SUFU: variants seen among roughly 807,000 people sequenced by gnomAD.
SUFU encodes suppressor of fused homolog.
Under a neutral mutation model 58.9 loss-of-function variants are expected in SUFU, and 7 were observed. The ratio of observed to expected loss-of-function variants is 0.12; its 90% CI spans 0.07 to 0.22. SUFU has a LOEUF of 0.22. Ranked by LOEUF, SUFU falls within the 10% of genes least tolerant of loss-of-function variation. The pLI, the probability that SUFU is intolerant of heterozygous loss-of-function variation, is 1.00. For missense variants in SUFU, 451 were observed against 641.3 expected (o/e 0.70, Z 3.20); for synonymous variants, 232 against 254.8 (o/e 0.91, Z 0.85).
At position 102,588,199 on chromosome 10, in the gene SUFU, C is replaced by G. The variant is rs543737923; in HGVS notation, c.455-4383C>G. 7.2e-5 allele frequency among the ~76,000 whole-genome samples: 11 copies of G among 152,156 alleles called. No homozygotes were observed. In the South Asian group the frequency reaches 1.9e-3, roughly 26 times the overall value. On this transcript the variant is annotated intron_variant, in intron 3 of 11. Coordinates refer to ENST00000369902, the MANE Select transcript of SUFU (RefSeq NM_016169.4). ...ATCACGAGGTCAGGAGATCGAGACC[C>G]TGGCTAACATGGTGAAACCCCATCT... is the stretch of plus-strand genomic sequence containing the variant.
At chr10:102,574,923 G>A (rs1011107467) in intron 3 of SUFU, among the ~76,000 whole-genome samples, 7 of 152,078 alleles carry the variant, frequency 4.6e-5, no homozygotes, top group African/African-American at 1.4e-4. Context: ...CGGCATGGTG[G>A]CATGCACCTG....
At chr10:102,610,221 C>T (rs1337505716) in intron 8 of SUFU, among the ~76,000 whole-genome samples, 4 of 151,514 alleles carry the variant, frequency 2.6e-5, no homozygotes, top group Non-Finnish European at 4.4e-5. Context: ...GGTGAAACCC[C>T]GTCTCTACTA....
intron 2 of SUFU, among the ~76,000 whole-genome samples, chr10:102,520,972 C>T (rs921400754): frequency 3.3e-5 from 5 of 152,172 alleles, no homozygotes; most frequent in African/African-American, 1.2e-4. Context: ...GTTTTCAACT[C>T]ATCTGGGTAA....
chr10:102,620,856 G>C (rs1012909442), intron 10 of SUFU, among the ~76,000 whole-genome samples: 1 of 152,194 alleles, frequency 6.6e-6, no homozygotes, highest in Admixed American at 6.5e-5. Context: ...TTGATCTGAA[G>C]GGGGATAAGT....
At chr10:102,537,607 T>C (rs1168914941) in intron 2 of SUFU, among the ~76,000 whole-genome samples, 1 of 152,222 alleles carries the variant, frequency 6.6e-6, no homozygotes, top group African/African-American at 2.4e-5. Context: ...TTTCTGTCTC[T>C]ATGAATGTGA....
rs1416629342 is a variant in SUFU, at chr10:102,617,350, C to A, written c.1218C>A (p.Ile406=). The A allele has an allele frequency of 6.2e-7, 1 of 1,614,108 alleles. No individual in the cohort carries two copies. The highest frequency in any genetic ancestry group is 8.5e-7 in the Non-Finnish European group (1 of 1,180,054). Residue 406 remains isoleucine, a synonymous_variant, in exon 10 of 12, where the codon ATC becomes ATA. Coordinates refer to ENST00000369902, the MANE Select transcript of SUFU (RefSeq NM_016169.4). This position sits in a 1 kb window ranked among gnomAD's most constrained non-coding sequence, Gnocchi z 4.4. ...TYKSITGDMA[I]TFVSTGVEGA... ...AAAGTATCACAGGTGACATGGCCAT[C>A]ACGTTTGTCTCCACGGGAGTGGAAG...
chr10:102,534,274 A>G (rs1287948840), intron 2 of SUFU, among the ~76,000 whole-genome samples: 2 of 152,168 alleles, frequency 1.3e-5, no homozygotes, highest in Non-Finnish European at 2.9e-5. Flanking sequence ...TAAAAATACA[A>G]AAAATAAGCC....
chr10:102,629,918 TG>T lies in SUFU; in HGVS notation c.1366-145del. On this transcript the variant is annotated intron_variant, in intron 11 of 11. Transcript: ENST00000369902. The surrounding 1 kb of genome is among the most constrained non-coding windows in gnomAD (Gnocchi z 4.7). ...AGCCGTTTGAGCCCAGCCTGCCACC[TG>T]GGTCTAGCATTTGAGAATGAAGCCA... The T allele has an allele frequency of 1.3e-6, 1 of 795,444 alleles. No homozygotes were observed. The highest frequency in any genetic ancestry group is 1.7e-5 in the Admixed American group (1 of 58,082). The allele number at this position is 795,444 out of a possible 1,614,324, so 49.3% of individuals were successfully genotyped here. A position where few individuals can be genotyped will look rare whatever the true frequency, so the allele number is the denominator to read the frequency against.
intron 2 of SUFU, among the ~76,000 whole-genome samples, chr10:102,530,238 G>A (rs1205326782): frequency 6.6e-6 from 1 of 152,058 alleles, no homozygotes; most frequent in Non-Finnish European, 1.5e-5. Context: ...GGAGTAATAT[G>A]TTAATAATTT....
chr10:102,556,127 G>GGA (rs2062973377), intron 3 of SUFU, among the ~76,000 whole-genome samples: 1 of 152,178 alleles, frequency 6.6e-6, no homozygotes, highest in Non-Finnish European at 1.5e-5. Flanking sequence ...CAAGGCAGTG[G>GGA]GAGGCGAATG....
rs566263629 is a variant in SUFU at position 102,629,566 on chromosome 10, G to A, written c.1366-500G>A. On this transcript the variant is annotated intron_variant, in intron 11 of 11. Coordinates refer to ENST00000369902, the MANE Select transcript of SUFU (RefSeq NM_016169.4). This position sits in a 1 kb window ranked among gnomAD's most constrained non-coding sequence, Gnocchi z 4.7. ...CAAGTGTGGTTCTGACTTTGGGGCC[G>A]AACTGGGGCCTCCTTCCCTTTGGAG... 9.8e-5 allele frequency among the ~76,000 whole-genome samples: 15 copies of A among 152,298 alleles called. No homozygotes were observed. The highest frequency in any genetic ancestry group is 3.4e-4 in the African/African-American group (14 of 41,554).
At chr10:102,530,134 A>T (rs886287066) in intron 2 of SUFU, among the ~76,000 whole-genome samples, 13 of 152,104 alleles carry the variant, frequency 8.5e-5, no homozygotes. Context: ...AGCTAGAGAA[A>T]GGTGGAGCTG....
rs1287565218 is a variant in SUFU at position 102,552,548 on chromosome 10, TCC to T, written c.454+2443_454+2444del. On this transcript the variant is annotated intron_variant, in intron 3 of 11. Transcript: ENST00000369902. ...CATGGCAGTTTAAATGCATTGTTGA[TCC>T]TTGATTAGATCCTGAATTGAAAAAA... Among the ~76,000 whole-genome samples the T allele has an allele frequency of 5.3e-5, 8 of 152,262 alleles. No individual in the cohort carries two copies. The East Asian group carries it at 1.5e-3, about 29-fold the overall frequency.
chr10:102,516,125 C>CTTTTTTTTTTTTTTTTTTTTTTT (rs60544094), intron 2 of SUFU, among the ~76,000 whole-genome samples: 6 of 125,578 alleles, frequency 4.8e-5, no homozygotes, highest in Admixed American at 1.6e-4. Context: ...TCTTTCTTTT[C>CTTTTTTTTTTTTTTTTTTTTTTT]TTTTTTTTTT....
intron 2 of SUFU, among the ~76,000 whole-genome samples, chr10:102,533,701 C>T (rs1427525485): frequency 6.6e-6 from 1 of 152,200 alleles, no homozygotes. Flanking sequence ...GACAAATTCT[C>T]ACGTCACATC....
chr10:102,618,931 C>CGTGCGTGTGTGTGTGT (rs1554854954), intron 10 of SUFU: 1 of 535,024 alleles, frequency 1.9e-6, no homozygotes, highest in African/African-American at 2.5e-5. Flanking sequence ...CCTCAGGTAG[C>CGTGCGTGTGTGTGTGT]GTGTGTGTGT....
At chr10:102,518,575 C>T (rs1241158071) in intron 2 of SUFU, among the ~76,000 whole-genome samples, 2 of 131,274 alleles carry the variant, frequency 1.5e-5, no homozygotes, top group African/African-American at 2.8e-5. Context: ...GACACAGGGC[C>T]TGGCCCTCTC....
At chr10:102,527,646 T>C (rs1304255956) in intron 2 of SUFU, among the ~76,000 whole-genome samples, 1 of 152,162 alleles carries the variant, frequency 6.6e-6, no homozygotes, top group East Asian at 1.9e-4. Context: ...TGATTATCTC[T>C]TTGGGTGGCA....
At position 102,628,020 on chromosome 10, in the gene SUFU, C is replaced by T. The variant is rs901352084; in HGVS notation, c.1365+777C>T. Among the ~76,000 whole-genome samples, 6 of 152,226 alleles carry T rather than the reference C, an allele frequency of 3.9e-5. No homozygotes were observed. Among genetic ancestry groups the T allele is most frequent in the Non-Finnish European group, 8.8e-5 (6 of 68,034 alleles). ...AGTGAACTCTAGCAGGCTGGCCGGG[C>T]CTCTGGAGAGCTCTCCTGGGCCCTG... On this transcript the variant is annotated intron_variant, in intron 11 of 11. Coordinates refer to ENST00000369902, the MANE Select transcript of SUFU (RefSeq NM_016169.4). This position sits in a 1 kb window ranked among gnomAD's most constrained non-coding sequence, Gnocchi z 4.5.
Sources: gnomAD v4.1 joint callset for allele counts (sites outside exome capture counted in the v4.1 genomes callset) on GRCh38, gnomAD v4.1.1 for gene constraint, Gnocchi (gnomAD v3.1) non-coding constraint, MANE v1.5 for transcripts, NCBI Gene and HGNC (gene_info 2026-07-23, HGNC 2026-07-21) for gene names.